Variants in PIGK observed in about 807,000 individuals in gnomAD.
PIGK encodes the protein phosphatidylinositol glycan anchor biosynthesis class K, also known as GPI-anchor transamidase.
PIGK carries 42 observed loss-of-function variants against 50.6 expected under a neutral mutation model. The ratio of observed to expected loss-of-function variants is 0.83; its 90% CI spans 0.65 to 1.07. The LOEUF (loss-of-function observed/expected upper bound fraction) is 1.07. Among genes scored for constraint, PIGK ranks in the 50% least tolerant of loss-of-function variants. The pLI is 0.00. For synonymous variants in PIGK, 151 were observed against 156.0 expected, an observed-to-expected ratio of 0.97 and a Z score of 0.24; for missense variants, 448 against 488.7, an observed-to-expected ratio of 0.92 and a Z score of 0.78.
At chr1:77,147,875 A>G (rs574731672) in intron 9 of PIGK, among the ~76,000 whole-genome samples, 2 of 152,378 alleles carry the variant, frequency 1.3e-5, no homozygotes, top group South Asian at 4.1e-4. Context: ...ATCTTACTTA[A>G]CATATGTAAG....
chr1:77,180,450 T>C (rs928509033), intron 3 of PIGK, among the ~76,000 whole-genome samples: 1 of 152,218 alleles, frequency 6.6e-6, no homozygotes, highest in African/African-American at 2.4e-5. Flanking sequence ...TTTACTACTT[T>C]AAGTATATAC....
intron 2 of PIGK, among the ~76,000 whole-genome samples, chr1:77,209,794 C>T (rs1656374998): frequency 6.6e-6 from 1 of 151,980 alleles, no homozygotes; most frequent in African/African-American, 2.4e-5. Context: ...TAAGATAATA[C>T]TAAAGGGTTG....
At chr1:77,186,596 G>A (rs767927960) in intron 3 of PIGK, among the ~76,000 whole-genome samples, 6 of 152,200 alleles carry the variant, frequency 3.9e-5, no homozygotes, top group Non-Finnish European at 7.3e-5. Flanking sequence ...AGCAATGGGT[G>A]ACTTCAGCAG....
chr1:77,203,003 G>A (rs575451630), intron 3 of PIGK, among the ~76,000 whole-genome samples: 4 of 152,218 alleles, frequency 2.6e-5, no homozygotes, highest in Admixed American at 6.5e-5. Flanking sequence ...CATGTGCTTC[G>A]CAGAGCATGG....
chr1:77,103,361 T>C (rs774037752), intron 10 of PIGK, among the ~76,000 whole-genome samples: 66 of 152,314 alleles, frequency 4.3e-4, no homozygotes, highest in Non-Finnish European at 7.2e-4. Flanking sequence ...AAATAACCCA[T>C]AGTCCCCTCA....
Position 77,214,631 on chromosome 1 carries a change from C to A in PIGK, c.94-4142G>T, listed in dbSNP as rs78200202. Among the ~76,000 whole-genome samples, 569 of 152,122 alleles carry A rather than the reference C, an allele frequency of 3.7e-3. 5 individuals carry two copies. The highest frequency in any genetic ancestry group is 0.013 in the African/African-American group (539 of 41,538). The stretch of plus-strand genomic sequence containing the variant: ...CACTCTCACCACTCTTATCAACATA[C>A]CACTGGAAGTTCTAGCCAGAGCAAT... On this transcript the variant is annotated intron_variant, in intron 1 of 10. Coordinates refer to ENST00000370812, the MANE Select transcript of PIGK (RefSeq NM_005482.3).
At chr1:77,107,594 G>A (rs1358187443) in intron 10 of PIGK, among the ~76,000 whole-genome samples, 1 of 152,186 alleles carries the variant, frequency 6.6e-6, no homozygotes, top group African/African-American at 2.4e-5. Flanking sequence ...TTCTGTAGAT[G>A]TCTATTAGGT....
chr1:77,176,918 T>C (rs370043089), intron 3 of PIGK, among the ~76,000 whole-genome samples: 1 of 152,198 alleles, frequency 6.6e-6, no homozygotes, highest in South Asian at 2.1e-4. Flanking sequence ...AATTAAATAT[T>C]GGTGTGGTAA....
chr1:77,135,777 C>A (rs1654494479), intron 9 of PIGK, among the ~76,000 whole-genome samples: 1 of 151,478 alleles, frequency 6.6e-6, no homozygotes, highest in Non-Finnish European at 1.5e-5. Flanking sequence ...AAATTTACAA[C>A]CCTTTTCCCA....
chr1:77,154,933 A>C (rs910357603), intron 8 of PIGK, among the ~76,000 whole-genome samples: 22 of 152,202 alleles, frequency 1.4e-4, no homozygotes, highest in Non-Finnish European at 4.4e-5. Flanking sequence ...CATACTCAAC[A>C]CGATGAAAAC....
Position 77,210,463 on chromosome 1 carries a change from A to G in PIGK, c.120T>C (p.Ser40=). ...IEDQAEQFFR[S]GHTNNWAVLV... ...GAACAGCCCAGTTGTTTGTATGGCC[A>G]CTTCTAAAGAATTGTTCTGCTTGAT... Residue 40 remains serine, a synonymous_variant, in exon 2 of 11, where the codon AGT becomes AGC. Transcript: ENST00000370812. 2 of 1,594,480 alleles carry G rather than the reference A, an allele frequency of 1.3e-6. No homozygotes were observed. The highest frequency in any genetic ancestry group is 1.7e-6 in the Non-Finnish European group (2 of 1,167,544).
In PIGK at chr1:77,154,603, T is replaced by G. The variant is rs200092834; in HGVS notation, c.832A>C (p.Ser278Arg). 23 of 1,610,788 alleles carry G rather than the reference T, an allele frequency of 1.4e-5. No individual in the cohort carries two copies. The highest frequency in any genetic ancestry group is 2.0e-5 in the Non-Finnish European group (23 of 1,177,900). ...MNDLFQVCPK[S>R]LCVSTPGHRT... ...TGTCCAGGAGTAGACACACACAGAC[T>G]TTTGGGACATACCTGAAACTGAAAA... is the stretch of plus-strand genomic sequence containing the variant. Residue 278 changes from serine (S) to arginine (R), a missense_variant, in exon 9 of 11, where the codon AGT becomes CGT. By Grantham distance (110) the Ser-to-Arg change is moderately radical. Coordinates refer to ENST00000370812, the MANE Select transcript of PIGK (RefSeq NM_005482.3).
At chr1:77,216,035 T>C (rs898755282) in intron 1 of PIGK, among the ~76,000 whole-genome samples, 9 of 152,136 alleles carry the variant, frequency 5.9e-5, no homozygotes, top group African/African-American at 2.2e-4. Context: ...TTAGAGTAAC[T>C]ATAGTAAACA....
intron 10 of PIGK, among the ~76,000 whole-genome samples, chr1:77,095,548 TA>T (rs1653388320): frequency 6.6e-6 from 1 of 152,038 alleles, no homozygotes; most frequent in Non-Finnish European, 1.5e-5. Flanking sequence ...TCCATTTAAA[TA>T]TAATTCCCAG....
intron 9 of PIGK, among the ~76,000 whole-genome samples, chr1:77,146,690 A>G (rs1046541348): frequency 6.6e-6 from 1 of 151,930 alleles, no homozygotes; most frequent in African/African-American, 2.4e-5. Flanking sequence ...CCAGCTACTC[A>G]GGAGGCTAAG....
chr1:77,149,816 A>G (rs965850890), intron 9 of PIGK, among the ~76,000 whole-genome samples: 5 of 152,150 alleles, frequency 3.3e-5, no homozygotes, highest in African/African-American at 9.7e-5. Flanking sequence ...AGCACATAAA[A>G]CATTATCCAG....
chr1:77,153,407 G>A (rs1654935953), intron 9 of PIGK: 1 of 152,062 alleles, frequency 6.6e-6, no homozygotes, highest in African/African-American at 2.4e-5. Flanking sequence ...AATACAGTTA[G>A]AAGATATAAG....
In PIGK at chr1:77,218,988, TGAG is replaced by T. The variant is rs1217997655; in HGVS notation, c.93+319_93+321del. On this transcript the variant is annotated intron_variant, in intron 1 of 10. Transcript: ENST00000370812. ...TCCTATCAAAACAGAGGGCTGCAGT[TGAG>T]TAGTAGGAAAGCAGTTGCTGCACAC... 2.6e-5 allele frequency among the ~76,000 whole-genome samples: 4 copies of T among 152,246 alleles called. No individual in the cohort carries two copies. The East Asian group carries it at 7.7e-4, about 29-fold the overall frequency.
chr1:77,186,776 C>T (rs578160617), intron 3 of PIGK, among the ~76,000 whole-genome samples: 23 of 152,178 alleles, frequency 1.5e-4, no homozygotes, highest in African/African-American at 3.4e-4. Context: ...CACTCACCAA[C>T]GCTGACCTGG....
Sources: allele counts gnomAD v4.1 joint callset (sites outside exome capture counted in the v4.1 genomes callset), GRCh38; gene constraint gnomAD v4.1.1; transcripts MANE v1.5; gene names NCBI Gene and HGNC (gene_info 2026-07-23, HGNC 2026-07-21).